Variants in ZNF83 observed in about 807,000 individuals in gnomAD.
ZNF83 encodes zinc finger protein 816B.
For synonymous variants in ZNF83, 209 were observed against 213.0 expected (o/e 0.98, Z 0.17); for missense variants, 552 against 629.9 (o/e 0.88, Z 1.32).
intron 2 of ZNF83, 91 bp downstream of exon 2, chr19:52,634,974 AC>A: frequency 1.4e-6 from 1 of 705,522 alleles, no homozygotes; most frequent in Non-Finnish European, 2.6e-6. Context: ...CAGGCAGGAC[AC>A]TTCTTGAGAC....
At chr19:52,641,846 T>C (rs1216579201), upstream of ZNF83, among the ~76,000 whole-genome samples, 5 of 152,070 alleles carry the variant, frequency 3.3e-5, no homozygotes. Flanking sequence ...TGCAGTTTGG[T>C]TTTACATATT....
At chr19:52,644,615 G>A (rs1294715232) in intron 3 of ZNF83, among the ~76,000 whole-genome samples, 2 of 152,124 alleles carry the variant, frequency 1.3e-5, no homozygotes, top group African/African-American at 2.4e-5. Context: ...GAAAATCACA[G>A]TAACATTTAT....
intron 3 of ZNF83, among the ~76,000 whole-genome samples, chr19:52,649,227 T>C (rs536158325): frequency 9.2e-5 from 14 of 152,300 alleles, no homozygotes; most frequent in Admixed American, 8.5e-4. Flanking sequence ...CTTTGGGATA[T>C]TGAAATCCCC....
chr19:52,640,836 A>G (rs1347627040), upstream of ZNF83, among the ~76,000 whole-genome samples: 1 of 152,186 alleles, frequency 6.6e-6, no homozygotes, highest in African/African-American at 2.4e-5. Context: ...GTGTCCTACT[A>G]CAACATGTTG....
intron 2 of ZNF83, among the ~76,000 whole-genome samples, chr19:52,657,956 G>C (rs1283920769): frequency 6.6e-6 from 1 of 151,862 alleles, no homozygotes. Flanking sequence ...GATCAACATA[G>C]AGAAACTCTG....
At chr19:52,636,104 C>T (rs1423474903) in intron 1 of ZNF83, 1 of 150,252 alleles carries the variant, frequency 6.7e-6, no homozygotes, top group Non-Finnish European at 1.5e-5. Context: ...TGAGACTAGC[C>T]TGGGAAACAC....
chr19:52,649,423 G>A (rs575677987), intron 3 of ZNF83, among the ~76,000 whole-genome samples: 1 of 152,256 alleles, frequency 6.6e-6, no homozygotes, highest in African/African-American at 2.4e-5. Context: ...TGATTTGCAG[G>A]ACTGCTATGA....
At chr19:52,624,939 T>C (rs1278816986) in intron 2 of ZNF83, among the ~76,000 whole-genome samples, 1 of 152,116 alleles carries the variant, frequency 6.6e-6, no homozygotes. Context: ...TTACCATTGT[T>C]CCTGGCCCAG....
At chr19:52,673,395 C>T (rs2147319175) in intron 1 of ZNF83, among the ~76,000 whole-genome samples, 1 of 152,124 alleles carries the variant, frequency 6.6e-6, no homozygotes, top group Middle Eastern at 3.4e-3. Context: ...CTCAGATATT[C>T]AGGAGGCTGT....
At chr19:52,641,283 T>A (rs977355843), upstream of ZNF83, among the ~76,000 whole-genome samples, 1 of 152,218 alleles carries the variant, frequency 6.6e-6, no homozygotes. Context: ...CAAGCTCTGG[T>A]AATGTATCTA....
At chr19:52,618,123 GCT>G (rs1481727886) in intron 2 of ZNF83, 1 of 152,206 alleles carries the variant, frequency 6.6e-6, no homozygotes, top group Admixed American at 6.5e-5. Flanking sequence ...ACAGAATCTT[GCT>G]CTGTTACCCG....
chr19:52,619,152 A>C, intron 2 of ZNF83: 1 of 1,610,790 alleles, frequency 6.2e-7, no homozygotes, highest in African/African-American at 1.3e-5. Context: ...CAAGGATTTA[A>C]TTGTAGTGAA....
chr19:52,643,373 AAG>A (rs1568559398), upstream of ZNF83, among the ~76,000 whole-genome samples: 1 of 151,118 alleles, frequency 6.6e-6, no homozygotes, highest in Non-Finnish European at 1.5e-5. Flanking sequence ...AAAAAAAAAA[AAG>A]GCATTAACGA....
At position 52,687,645 on chromosome 19, in the gene ZNF83, A is replaced by G. The variant is rs367881957; in HGVS notation, c.-283+2798T>C. ...ATATATATATAATGTATATATATAT[A>G]TATATATATATAATGTATATATATA... On this transcript the variant is annotated intron_variant, in intron 1 of 5. Transcript: ENST00000594682. Among the ~76,000 whole-genome samples the G allele has an allele frequency of 1.9e-4, 5 of 26,900 alleles. No individual in the cohort carries two copies. In the African/African-American group the frequency reaches 2.0e-3, roughly 11 times the overall value. 17.6% of individuals were successfully genotyped at this position (26,900 alleles called of 152,430 possible).
chr19:52,657,439 G>A (rs1386577828), intron 2 of ZNF83, among the ~76,000 whole-genome samples: 1 of 151,918 alleles, frequency 6.6e-6, no homozygotes, highest in African/African-American at 2.4e-5. Flanking sequence ...GTGAAACTTT[G>A]TCTCTACTAA....
At chr19:52,633,862 A>T (rs561353387) in intron 2 of ZNF83, among the ~76,000 whole-genome samples, 1 of 152,300 alleles carries the variant, frequency 6.6e-6, no homozygotes, top group South Asian at 2.1e-4. Flanking sequence ...GTGAGCAAAG[A>T]TCACGCCATT....
At chr19:52,662,297 G>A (rs1346797131) in intron 1 of ZNF83, among the ~76,000 whole-genome samples, 1 of 152,176 alleles carries the variant, frequency 6.6e-6, no homozygotes, top group African/African-American at 2.4e-5. Context: ...GGACTGCAAG[G>A]GAATGTGTTC....
upstream of ZNF83, among the ~76,000 whole-genome samples, chr19:52,640,323 G>T (rs991839356): frequency 6.6e-6 from 1 of 152,100 alleles, no homozygotes; most frequent in Non-Finnish European, 1.5e-5. Flanking sequence ...AGACGTTAAG[G>T]TTTCACACAC....
At chr19:52,620,089 A>AT (rs534684288) in intron 2 of ZNF83, among the ~76,000 whole-genome samples, 374 of 152,300 alleles carry the variant, frequency 2.5e-3, no homozygotes, top group Non-Finnish European at 4.2e-3. Flanking sequence ...ACAAAAATAC[A>AT]TTTTTTATAT....
Sources: allele counts gnomAD v4.1 joint callset (sites outside exome capture counted in the v4.1 genomes callset), GRCh38; gene constraint gnomAD v4.1.1; transcripts MANE v1.5; gene names NCBI Gene and HGNC (gene_info 2026-07-23, HGNC 2026-07-21).